Variants in ACAP2 observed in about 807,000 individuals in gnomAD.
ACAP2 encodes the protein ArfGAP with coiled-coil, ankyrin repeat and PH domains 2, also known as arf-GAP with coiled-coil, ANK repeat and PH domain-containing protein 2.
Under a neutral mutation model 115.8 loss-of-function variants are expected in ACAP2, and 39 were observed. The ratio of observed to expected loss-of-function variants is 0.34; its 90% CI spans 0.26 to 0.44. The LOEUF (loss-of-function observed/expected upper bound fraction) is 0.44. ACAP2 is among the 20% of genes least tolerant of loss of function. The pLI is 1.00. For synonymous variants in ACAP2, 289 were observed against 315.8 expected (o/e 0.92, Z 0.90); for missense variants, 662 against 927.6 (o/e 0.71, Z 3.72).
intron 1 of ACAP2, among the ~76,000 whole-genome samples, chr3:195,429,684 GA>G (rs1432956112): frequency 4.6e-5 from 7 of 152,040 alleles, no homozygotes; most frequent in Admixed American, 6.6e-5. Context: ...TTTTTATCAA[GA>G]AAAAAACTAT....
chr3:195,426,309 G>A (rs1175972606), intron 1 of ACAP2, among the ~76,000 whole-genome samples: 3 of 152,060 alleles, frequency 2.0e-5, no homozygotes, highest in African/African-American at 7.2e-5. Flanking sequence ...ATTCCCAACA[G>A]GAAGACAGGC....
In ACAP2 at chr3:195,342,739, T is replaced by C. The variant is rs1730959326; in HGVS notation, c.345-85A>G. On this transcript the variant is annotated intron_variant, in intron 5 of 22. Coordinates refer to ENST00000326793, the MANE Select transcript of ACAP2 (RefSeq NM_012287.6). ...GGCTGGGCGCGGTGGCTCACACCTG[T>C]AATCCCAGCACTTTGGGAGGCCGAG... The C allele has an allele frequency of 3.7e-6, 4 of 1,069,842 alleles. No homozygotes were observed. In the African/African-American group the frequency reaches 6.4e-5, roughly 17 times the overall value. The allele number at this position is 1,069,842 out of a possible 1,614,324, so 66.3% of individuals were successfully genotyped here. A position where few individuals can be genotyped will look rare whatever the true frequency, so the allele number is the denominator to read the frequency against.
chr3:195,348,796 G>C (rs1731349081), intron 4 of ACAP2, among the ~76,000 whole-genome samples: 2 of 152,070 alleles, frequency 1.3e-5, no homozygotes, highest in Non-Finnish European at 2.9e-5. Flanking sequence ...CAGGAATATA[G>C]ACATATAAGG....
intron 9 of ACAP2, 73 bp downstream of exon 9, chr3:195,326,812 G>T: frequency 7.7e-7 from 1 of 1,298,584 alleles, no homozygotes; most frequent in Non-Finnish European, 1.1e-6. Context: ...CCAATACAAT[G>T]ATACCTTGCA....
chr3:195,430,954 A>G (rs1395801630), intron 1 of ACAP2, among the ~76,000 whole-genome samples: 1 of 152,196 alleles, frequency 6.6e-6, no homozygotes, highest in Non-Finnish European at 1.5e-5. Flanking sequence ...GGGTTTTAGT[A>G]TATTTAGAGT....
Position 195,342,489 on chromosome 3 carries a change from G to A in ACAP2, c.510C>T (p.Ala170=), listed in dbSNP as rs749533323. 4.4e-5 allele frequency: 70 copies of A among 1,606,680 alleles called. No individual in the cohort carries two copies. In the South Asian group the frequency reaches 7.5e-4, roughly 17 times the overall value. ...TATRKCFRHI[A]LDYVLQINVL... is the part of the protein sequence containing the mutation. ...TATATACCTGAAGCACATAATCGAGGGCTATGTGTCGGAAACATTTTCTTG... is the reference window on the plus strand; with the variant it reads ...TATATACCTGAAGCACATAATCGAGAGCTATGTGTCGGAAACATTTTCTTG... The change falls in exon 6 of 23, where the codon GCC becomes GCT. Residue 170 remains alanine, a synonymous_variant. Transcript: ENST00000326793.
chr3:195,374,888 G>A (rs1424388711), intron 4 of ACAP2, among the ~76,000 whole-genome samples: 1 of 151,544 alleles, frequency 6.6e-6, no homozygotes, highest in East Asian at 1.9e-4. Context: ...AGCAAGCTCA[G>A]CCTTATTTTT....
At chr3:195,437,166 C>T (rs1715606918) in intron 1 of ACAP2, among the ~76,000 whole-genome samples, 1 of 152,146 alleles carries the variant, frequency 6.6e-6, no homozygotes, top group Non-Finnish European at 1.5e-5. Flanking sequence ...CCTGCCTCAG[C>T]CTCCTGAGTA....
chr3:195,373,423 T>C (rs1733312850), intron 4 of ACAP2, among the ~76,000 whole-genome samples: 1 of 152,176 alleles, frequency 6.6e-6, no homozygotes, highest in African/African-American at 2.4e-5. Context: ...AGAATATCAC[T>C]GTCTTCCATT....
intron 7 of ACAP2, chr3:195,335,828 C>T (rs183724878): frequency 6.7e-6 from 1 of 149,156 alleles, no homozygotes; most frequent in African/African-American, 2.5e-5. Flanking sequence ...GAGATTATTA[C>T]TAAGGTTATC....
intron 9 of ACAP2, among the ~76,000 whole-genome samples, chr3:195,324,838 T>C (rs1418996431): frequency 6.6e-6 from 1 of 152,106 alleles, no homozygotes; most frequent in Non-Finnish European, 1.5e-5. Flanking sequence ...AAGGATTTAC[T>C]GAACAACACA....
intron 14 of ACAP2, 125 bp from the exon 15 acceptor site, chr3:195,301,769 T>A: frequency 1.8e-6 from 2 of 1,116,454 alleles, no homozygotes; most frequent in Non-Finnish European, 2.6e-6. Flanking sequence ...ACAGATCTTC[T>A]GTTTAATAAT....
At chr3:195,346,878 T>C (rs1731219640) in intron 4 of ACAP2, among the ~76,000 whole-genome samples, 1 of 152,196 alleles carries the variant, frequency 6.6e-6, no homozygotes, top group Non-Finnish European at 1.5e-5. Flanking sequence ...CAATGCATTT[T>C]GCTAAGTGAA....
chr3:195,426,404 T>C (rs1375604244), intron 1 of ACAP2, among the ~76,000 whole-genome samples: 2 of 152,128 alleles, frequency 1.3e-5, no homozygotes, highest in Non-Finnish European at 2.9e-5. Flanking sequence ...ACTGTATCTG[T>C]CCCAAGGAAA....
intron 1 of ACAP2, among the ~76,000 whole-genome samples, chr3:195,400,127 A>C (rs184982633): frequency 6.6e-6 from 1 of 151,920 alleles, no homozygotes; most frequent in Non-Finnish European, 1.5e-5. Context: ...GTGGTGAGCC[A>C]AGATCGCACC....
chr3:195,422,299 CA>C (rs35709874), intron 1 of ACAP2, among the ~76,000 whole-genome samples: 27,522 of 151,970 alleles, frequency 0.18, 3,671 homozygotes, highest in East Asian at 0.71. Context: ...GATTTTTTAA[CA>C]GAGCCTCTTT....
chr3:195,336,441 A>C (rs1465543426), intron 7 of ACAP2: 1 of 152,462 alleles, frequency 6.6e-6, no homozygotes, highest in Non-Finnish European at 1.5e-5. Context: ...TTGAAGTCCA[A>C]ATAATGCCAA....
In ACAP2 at chr3:195,278,078, C is replaced by T. The variant is rs1358392137; in HGVS notation, c.*1250G>A. On this transcript the variant is annotated 3_prime_UTR_variant, in exon 23 of 23. Coordinates refer to ENST00000326793, the MANE Select transcript of ACAP2 (RefSeq NM_012287.6). ...CCTGGGTGACACAGCAAGACGCCATCTCGGGAAAAAAAAAAAAAAAAAGCA... is the reference window on the plus strand; with the variant it reads ...CCTGGGTGACACAGCAAGACGCCATTTCGGGAAAAAAAAAAAAAAAAAGCA... 3 of 137,304 alleles carry T rather than the reference C, an allele frequency of 2.2e-5. No homozygotes were observed. In the Admixed American group the frequency reaches 2.2e-4, roughly 10 times the overall value. The allele number at this position is 137,304 out of a possible 1,614,324, so 8.5% of individuals were successfully genotyped here.
In ACAP2 at chr3:195,424,283, A is replaced by AT. The variant is rs1162275706; in HGVS notation, c.53+18511dup. The stretch of plus-strand genomic sequence containing the variant: ...TGTGTATATATATATATATATATAT[A>AT]TTTTTTTTTTTTTTTTTTTTTTTTT... On this transcript the variant is annotated intron_variant, in intron 1 of 22. Transcript: ENST00000326793. Among the ~76,000 whole-genome samples the AT allele has an allele frequency of 3.2e-3, 173 of 54,118 alleles. 8 individuals carry two copies. Among genetic ancestry groups the AT allele is most frequent in the Non-Finnish European group, 4.1e-3 (131 of 32,262 alleles). 35.5% of individuals were successfully genotyped at this position (54,118 alleles called of 152,430 possible).
Sources: gnomAD v4.1 joint callset for allele counts (sites outside exome capture counted in the v4.1 genomes callset) on GRCh38, gnomAD v4.1.1 for gene constraint, MANE v1.5 for transcripts, NCBI Gene and HGNC (gene_info 2026-07-23, HGNC 2026-07-21) for gene names.